Variants in FLNB observed in about 807,000 individuals in gnomAD.
FLNB encodes the protein filamin B.
FLNB carries 111 observed loss-of-function variants against 250.6 expected under a neutral mutation model. The observed-to-expected ratio is 0.44, with a 90% CI of 0.38 to 0.52. FLNB has a LOEUF of 0.52. Among genes scored for constraint, FLNB ranks in the 20% least tolerant of loss-of-function variants. FLNB has a pLI of 0.00. For missense variants in FLNB, 2,869 were observed against 3,447.8 expected (o/e 0.83, Z 4.20); for synonymous variants, 1,302 against 1,372.1 (o/e 0.95, Z 1.13).
intron 24 of FLNB, among the ~76,000 whole-genome samples, chr3:58,127,281 G>T (rs1027017568): frequency 1.1e-4 from 17 of 151,266 alleles, no homozygotes; most frequent in Non-Finnish European, 1.5e-4. Context: ...AGCTGAGATT[G>T]CGCCACTGCG....
At chr3:58,022,175 T>A (rs901147399) in intron 1 of FLNB, among the ~76,000 whole-genome samples, 4 of 152,222 alleles carry the variant, frequency 2.6e-5, no homozygotes, top group African/African-American at 9.6e-5. Flanking sequence ...CTTGTTTACC[T>A]CTGTGGCTCT....
At chr3:58,011,160 G>A (rs1346282655) in intron 1 of FLNB, among the ~76,000 whole-genome samples, 4 of 151,956 alleles carry the variant, frequency 2.6e-5, no homozygotes, top group South Asian at 4.2e-4. Flanking sequence ...TGATATGCCC[G>A]CCTCGGCCTC....
At chr3:58,071,614 T>C (rs2097194721) in intron 1 of FLNB, among the ~76,000 whole-genome samples, 1 of 152,196 alleles carries the variant, frequency 6.6e-6, no homozygotes, top group Non-Finnish European at 1.5e-5. Flanking sequence ...GTTGGCTGTT[T>C]CTGACTCAGC....
chr3:58,082,092 A>G (rs1238838671), intron 4 of FLNB, among the ~76,000 whole-genome samples: 1 of 152,114 alleles, frequency 6.6e-6, no homozygotes, highest in African/African-American at 2.4e-5. Flanking sequence ...CTTGCCCCAG[A>G]TCACCACAGT....
At chr3:58,016,990 T>G (rs2097106667) in intron 1 of FLNB, among the ~76,000 whole-genome samples, 1 of 152,218 alleles carries the variant, frequency 6.6e-6, no homozygotes, top group Non-Finnish European at 1.5e-5. Flanking sequence ...TATTGTATAA[T>G]AAACAACAAT....
At chr3:58,157,387 C>T (rs1575470358) in intron 41 of FLNB, among the ~76,000 whole-genome samples, 1 of 152,302 alleles carries the variant, frequency 6.6e-6, no homozygotes, top group Admixed American at 6.5e-5. Flanking sequence ...TAGTTCCATA[C>T]ACTTGGTTTA....
At chr3:58,049,795 C>A (rs1371614607) in intron 1 of FLNB, among the ~76,000 whole-genome samples, 1 of 152,072 alleles carries the variant, frequency 6.6e-6, no homozygotes, top group East Asian at 1.9e-4. Flanking sequence ...TTGTGCAGCT[C>A]CCCTTAAATT....
intron 14 of FLNB, 117 bp downstream of exon 14, chr3:58,109,439 C>A: frequency 1.3e-6 from 2 of 1,586,968 alleles, no homozygotes; most frequent in South Asian, 1.1e-5. Flanking sequence ...CCCTGGTGGG[C>A]CTTGAATGAT....
intron 1 of FLNB, among the ~76,000 whole-genome samples, chr3:58,069,537 G>A (rs1049409529): frequency 6.6e-6 from 1 of 151,962 alleles, no homozygotes; most frequent in South Asian, 2.1e-4. Context: ...CACCATGCCC[G>A]GCCCATAGTT....
At chr3:58,093,144 G>T (rs1411362655) in intron 4 of FLNB, among the ~76,000 whole-genome samples, 1 of 152,114 alleles carries the variant, frequency 6.6e-6, no homozygotes, top group Admixed American at 6.6e-5. Context: ...CAGAACTCAG[G>T]GAAACACTTA....
intron 1 of FLNB, among the ~76,000 whole-genome samples, chr3:58,009,795 T>C (rs2097095778): frequency 6.6e-6 from 1 of 152,112 alleles, no homozygotes; most frequent in South Asian, 2.1e-4. Flanking sequence ...TACACCAGGG[T>C]CTTCCTGAAA....
intron 1 of FLNB, among the ~76,000 whole-genome samples, chr3:58,053,546 T>C (rs1617621): frequency 2.0e-5 from 3 of 152,196 alleles, no homozygotes; most frequent in Non-Finnish European, 2.9e-5. Flanking sequence ...CTGCAACCTC[T>C]GCCTCCTGGG....
In FLNB at chr3:58,142,324, G is replaced by T. The variant is rs2097328500; in HGVS notation, c.5182-326G>T. Among the ~76,000 whole-genome samples, 2 of 152,208 alleles carry T rather than the reference G, an allele frequency of 1.3e-5. No individual in the cohort carries two copies. The highest frequency in any genetic ancestry group is 1.9e-4 in the East Asian group (1 of 5,200). On this transcript the variant is annotated intron_variant, in intron 30 of 45. Transcript: ENST00000295956. The surrounding 1 kb of genome is among the most constrained non-coding windows in gnomAD (Gnocchi z 4.3). ...ATGCACCTTCTTTTCCAGGCCACAA[G>T]CAACTAAACCTTTCCAGATGGAGCC...
Position 58,170,745 on chromosome 3 carries a change from C to T in FLNB, c.7792C>T (p.His2598Tyr). 6.2e-7 allele frequency: 1 copy of T among 1,614,162 alleles called. No homozygotes were observed. Residue 2598 changes from histidine (H) to tyrosine (Y), a missense_variant, in exon 46 of 46, where the codon CAT (histidine) becomes TAT (tyrosine). This residue lies in a region of FLNB where 1,084 missense variants were observed against 1,315.5 expected (regional missense o/e 0.82). Transcript: ENST00000295956. ...GGAACACATCCCTGGCAGCCCTTTT[C>T]ATGTCACAGTGCCTTAAAACAGTTT... is the stretch of plus-strand genomic sequence containing the variant. ...GEEHIPGSPFHVTVP is the reference protein window; with the variant it reads ...GEEHIPGSPFYVTVP
At chr3:58,047,557 A>G (rs984282989) in intron 1 of FLNB, among the ~76,000 whole-genome samples, 4 of 151,710 alleles carry the variant, frequency 2.6e-5, no homozygotes, top group Non-Finnish European at 4.4e-5. Context: ...CTAAAGATGC[A>G]TATCACACAC....
Position 58,077,070 on chromosome 3 carries a change from A to G in FLNB, c.317A>G (p.Asn106Ser), listed in dbSNP as rs771943943. ...GATAGCAAAGCCATTGTGGATGGGA[A>G]CCTGAAGCTCATCTTGGGTCTGGTG... is the stretch of plus-strand genomic sequence containing the variant. ...SIDSKAIVDG[N>S]LKLILGLVWT... Residue 106 changes from asparagine to serine, a missense_variant, in exon 2 of 46, where the codon AAC becomes AGC. By Grantham distance (46) the Asn-to-Ser change is conservative. This residue lies in a region of FLNB where 308 missense variants were observed against 466.1 expected (regional missense o/e 0.66). Coordinates refer to ENST00000295956, the MANE Select transcript of FLNB (RefSeq NM_001457.4). 1.8e-5 allele frequency: 29 copies of G among 1,613,974 alleles called. No individual in the cohort carries two copies. The Admixed American group carries it at 4.8e-4, about 27-fold the overall frequency.
chr3:58,121,876 A>C (rs1434815113), intron 20 of FLNB, among the ~76,000 whole-genome samples: 1 of 152,214 alleles, frequency 6.6e-6, no homozygotes, highest in Non-Finnish European at 1.5e-5. Context: ...TAATATAAAA[A>C]TACATTATTC....
chr3:58,109,488 A>C, intron 14 of FLNB, 88 bp from the exon 15 acceptor site: 1 of 1,609,640 alleles, frequency 6.2e-7, no homozygotes, highest in East Asian at 2.2e-5. Flanking sequence ...GCCTGCTCAG[A>C]AGAACTATTT....
At position 58,156,093 on chromosome 3, in the gene FLNB, A is replaced by G. The variant is rs1212612749; in HGVS notation, c.6888+18A>G. On this transcript the variant is annotated intron_variant, in intron 41 of 45. Coordinates refer to ENST00000295956, the MANE Select transcript of FLNB (RefSeq NM_001457.4). ...GCCTTCAGGTGAGATGCAAGGAAGC[A>G]TCCATCTCCTTGGCCGCAGGCCACC... is the stretch of plus-strand genomic sequence containing the variant. 2.5e-6 allele frequency: 4 copies of G among 1,593,948 alleles called. No homozygotes were observed. The South Asian group carries it at 3.3e-5, about 13-fold the overall frequency.
Sources: allele counts gnomAD v4.1 joint callset (sites outside exome capture counted in the v4.1 genomes callset), GRCh38; gene constraint gnomAD v4.1.1; regional missense constraint gnomAD v4.1.1; non-coding constraint Gnocchi (gnomAD v3.1); transcripts MANE v1.5; gene names NCBI Gene and HGNC (gene_info 2026-07-23, HGNC 2026-07-21).